CTU2: variants seen among roughly 807,000 people sequenced by gnomAD.
CTU2 encodes the protein cytoplasmic tRNA 2-thiolation protein 2.
A neutral mutation model predicts 64.1 loss-of-function variants in CTU2; 80 were observed. The observed-to-expected ratio is 1.25, with a 90% confidence interval of 1.04 to 1.50. CTU2 has a LOEUF of 1.50. Ranked by LOEUF, CTU2 falls within the 40% of genes most tolerant of loss-of-function variation. The pLI is 0.00. For missense variants in CTU2, 1,110 were observed against 690.2 expected (o/e 1.61, Z -6.81); for synonymous variants, 482 against 285.3 (o/e 1.69, Z -6.95).
Position 88,713,250 on chromosome 16 carries a change from C to G in CTU2, c.738-62C>G, listed in dbSNP as rs1383432237. 1.4e-5 allele frequency: 19 copies of G among 1,349,156 alleles called. No individual in the cohort carries two copies. The African/African-American group carries it at 2.2e-4, about 15-fold the overall frequency. The allele number at this position is 1,349,156 out of a possible 1,614,324, so 83.6% of individuals were successfully genotyped here. A position where few individuals can be genotyped will look rare whatever the true frequency, so the allele number is the denominator to read the frequency against. On this transcript the variant is annotated intron_variant, in intron 7 of 14. Transcript: ENST00000453996. ...CCCGGGCCCTGACCCCCACTCATAC[C>G]CGAGAGCCCCCCTTCCCCGGGTCCT...
chr16:88,708,345 C>G (rs538762039), intron 2 of CTU2, among the ~76,000 whole-genome samples: 2 of 152,298 alleles, frequency 1.3e-5, no homozygotes, highest in South Asian at 2.1e-4. Context: ...CAGGTCAGCA[C>G]GTGGGAGAAA....
intron 2 of CTU2, chr16:88,709,136 A>T (rs1911125003): frequency 6.6e-6 from 1 of 152,268 alleles, no homozygotes; most frequent in African/African-American, 2.4e-5. Context: ...TTAGCTAGGC[A>T]TGGTGGCATA....
At chr16:88,711,332 C>T (rs57527802) in intron 4 of CTU2, among the ~76,000 whole-genome samples, 19,378 of 152,040 alleles carry the variant, frequency 0.13, 1,388 homozygotes, top group Middle Eastern at 0.22. Context: ...ACAGTGGCCC[C>T]GTAACCCAGC....
Position 88,713,305 on chromosome 16 carries a change from G to A in CTU2, c.738-7G>A. The A allele has an allele frequency of 1.3e-6, 2 of 1,572,106 alleles. No homozygotes were observed. Among genetic ancestry groups the A allele is most frequent in the Non-Finnish European group, 8.6e-7 (1 of 1,161,580 alleles). ...CCCCCAGGCCCCTGAGACGCTCTGT[G>A]CTTTAGGACCCACCTGATCCTCCAC... On this transcript the variant is annotated splice_region_variant and splice_polypyrimidine_tract_variant and intron_variant, in intron 7 of 14. Coordinates refer to ENST00000453996, the MANE Select transcript of CTU2 (RefSeq NM_001012759.3).
At position 88,712,839 on chromosome 16, in the gene CTU2, C is replaced by T. The variant is rs770332079; in HGVS notation, c.671C>T (p.Ala224Val). The change falls in exon 7 of 15, where the codon GCT becomes GTT. Residue 224 changes from alanine to valine, a missense_variant. Ala to Val is a moderately conservative substitution (Grantham distance 64). Coordinates refer to ENST00000453996, the MANE Select transcript of CTU2 (RefSeq NM_001012759.3). ...CCGCCTGCCCCTGCCCAGACTGAGG[C>T]TCTTTCCCAACTGTTCTGCTCAGTG... ...ARPPAPAQTEALSQLFCSVRT... is the reference protein window; with the variant it reads ...ARPPAPAQTEVLSQLFCSVRT... 3 of 1,588,296 alleles carry T rather than the reference C, an allele frequency of 1.9e-6. No homozygotes were observed. The highest frequency in any genetic ancestry group is 2.2e-5 in the East Asian group (1 of 44,754).
chr16:88,711,955 C>T (rs1476767725), intron 5 of CTU2: 6 of 603,620 alleles, frequency 9.9e-6, no homozygotes, highest in Admixed American at 5.9e-5. Context: ...GCAGGAGTGG[C>T]GGCTGCCCAG....
chr16:88,715,042 T>A lies in CTU2; in HGVS notation c.1420-6T>A. On this transcript the variant is annotated splice_region_variant and splice_polypyrimidine_tract_variant and intron_variant, in intron 13 of 14. Transcript: ENST00000453996. ...CTTGGCCCCTCGACACCGGCCTCTGTTGCAGCCCTCACTGGACCCCCTGCC... is the reference window on the plus strand; with the variant it reads ...CTTGGCCCCTCGACACCGGCCTCTGATGCAGCCCTCACTGGACCCCCTGCC... 1.3e-6 allele frequency: 2 copies of A among 1,576,594 alleles called. No individual in the cohort carries two copies.
At chr16:88,713,524 C>T in intron 8 of CTU2, 77 bp downstream of exon 8, 3 of 1,505,892 alleles carry the variant, frequency 2.0e-6, no homozygotes, top group Non-Finnish European at 2.6e-6. Context: ...AGAGTAGCCT[C>T]TCGCGTATCA....
At chr16:88,714,807 CTGCACGGCAT>C in intron 12 of CTU2, 43 bp from the exon 13 acceptor site, 1 of 1,611,144 alleles carries the variant, frequency 6.2e-7, no homozygotes, top group East Asian at 2.2e-5. Flanking sequence ...TTACCCCACA[CTGCACGGCAT>C]TGAGGTGCCA....
chr16:88,714,769 C>G, intron 12 of CTU2, 32 bp downstream of exon 12: 1 of 1,605,122 alleles, frequency 6.2e-7, no homozygotes, highest in Non-Finnish European at 8.5e-7. Context: ...CCATGGCCAG[C>G]TGCATGGGGC....
rs369446542 is a variant in CTU2, at chr16:88,714,262, C to T, written c.1097+35C>T. The T allele has an allele frequency of 8.4e-5, 135 of 1,597,868 alleles. 1 individual carries two copies. The African/African-American group carries it at 8.7e-4, about 10-fold the overall frequency. ...TGTGTGGGTGTGTGCGGGGGGTGCGCGGGTGTGTGCTGTGCGCGGGTGTGT... is the reference window on the plus strand; with the variant it reads ...TGTGTGGGTGTGTGCGGGGGGTGCGTGGGTGTGTGCTGTGCGCGGGTGTGT... On this transcript the variant is annotated intron_variant, in intron 10 of 14. Transcript: ENST00000453996.
Position 88,712,834 on chromosome 16 carries a change from T to G in CTU2, c.666T>G (p.Thr222=). 1 of 1,590,266 alleles carries G rather than the reference T, an allele frequency of 6.3e-7. No homozygotes were observed. The highest frequency in any genetic ancestry group is 8.6e-7 in the Non-Finnish European group (1 of 1,169,404). ...CAAGACCGCCTGCCCCTGCCCAGAC[T>G]GAGGCTCTTTCCCAACTGTTCTGCT... ...NLARPPAPAQ[T]EALSQLFCSV... is the part of the protein sequence containing the mutation. Residue 222 remains threonine (T), a synonymous_variant, in exon 7 of 15, where the codon ACT becomes ACG. Transcript: ENST00000453996.
chr16:88,710,513 A>G, intron 4 of CTU2: 4 of 554,878 alleles, frequency 7.2e-6, no homozygotes, highest in Non-Finnish European at 1.3e-5. Context: ...CAGGTGCACA[A>G]ATCAGAAGCT....
chr16:88,715,261 C>A lies in CTU2; in HGVS notation c.*10C>A. The A allele has an allele frequency of 3.1e-6, 5 of 1,610,138 alleles. No homozygotes were observed. The highest frequency in any genetic ancestry group is 4.2e-6 in the Non-Finnish European group (5 of 1,179,566). ...GGCGGGCCAGAGCTGAGCGTGAGGA[C>A]GTGCTTGCCGGGACAGCAGGCAGTG... On this transcript the variant is annotated 3_prime_UTR_variant, in exon 15 of 15. Coordinates refer to ENST00000453996, the MANE Select transcript of CTU2 (RefSeq NM_001012759.3).
intron 12 of CTU2, 34 bp downstream of exon 12, chr16:88,714,771 G>C: frequency 6.2e-7 from 1 of 1,605,546 alleles, no homozygotes; most frequent in Non-Finnish European, 8.5e-7. Flanking sequence ...ATGGCCAGCT[G>C]CATGGGGCGG....
chr16:88,714,798 T>TA, intron 12 of CTU2, 61 bp downstream of exon 12: 1 of 1,610,172 alleles, frequency 6.2e-7, no homozygotes, highest in Middle Eastern at 1.7e-4. Flanking sequence ...GACCTGTCCT[T>TA]ACCCCACACT....
intron 6 of CTU2, 110 bp downstream of exon 6, chr16:88,712,493 T>TG (rs1911411036): frequency 1.7e-5 from 25 of 1,435,810 alleles, no homozygotes; most frequent in South Asian, 4.0e-5. Flanking sequence ...GGGCTGTCGG[T>TG]GGGGGGTGGG....
chr16:88,715,041 G>A lies in CTU2; in HGVS notation c.1420-7G>A, dbSNP rs1227397846. On this transcript the variant is annotated splice_region_variant and splice_polypyrimidine_tract_variant and intron_variant, in intron 13 of 14. Transcript: ENST00000453996. ...TCTTGGCCCCTCGACACCGGCCTCT[G>A]TTGCAGCCCTCACTGGACCCCCTGC... is the stretch of plus-strand genomic sequence containing the variant. 6.3e-7 allele frequency: 1 copy of A among 1,576,672 alleles called. No homozygotes were observed. Among genetic ancestry groups the A allele is most frequent in the Admixed American group, 1.7e-5 (1 of 57,736 alleles).
rs561722079 is a variant in CTU2 at position 88,707,202 on chromosome 16, C to T, written c.135C>T (p.Ala45=). The change falls in exon 2 of 15, where the codon GCC becomes GCT. Residue 45 remains alanine (A), a synonymous_variant. Coordinates refer to ENST00000453996, the MANE Select transcript of CTU2 (RefSeq NM_001012759.3). ...TTGTGGTGATACGAGCCGGAGATGC[C>T]TTCTGCAGGTGAGGCCTGGAGGTGG... ...QPVVVIRAGD[A]FCRDCFKAFY... is the part of the protein sequence containing the mutation. 16 of 1,613,826 alleles carry T rather than the reference C, an allele frequency of 9.9e-6. No individual in the cohort carries two copies. The highest frequency in any genetic ancestry group is 3.3e-5 in the South Asian group (3 of 91,096).
Sources: allele counts gnomAD v4.1 joint callset (sites outside exome capture counted in the v4.1 genomes callset), GRCh38; gene constraint gnomAD v4.1.1; transcripts MANE v1.5; gene names NCBI Gene and HGNC (gene_info 2026-07-23, HGNC 2026-07-21).